The following MAGI1 variants were observed in gnomAD, a reference collection of about 807,000 sequenced individuals.
The protein encoded by MAGI1 is membrane-associated guanylate kinase, WW and PDZ domain-containing protein 1.
Under a neutral mutation model 139.9 loss-of-function variants are expected in MAGI1, and 58 were observed. The ratio of observed to expected loss-of-function variants is 0.41; its 90% confidence interval spans 0.34 to 0.52. The LOEUF (loss-of-function observed/expected upper bound fraction) is 0.52. Among genes scored for constraint, MAGI1 ranks in the 20% least tolerant of loss-of-function variants. The probability of loss-of-function intolerance (pLI) is 0.12; values close to 1 mark genes in which losing one functional copy is unlikely to be tolerated. For missense variants in MAGI1, 1,874 were observed against 1,901.6 expected (o/e 0.99, Z 0.27); for synonymous variants, 812 against 737.9 (o/e 1.10, Z -1.63).
intron 1 of MAGI1, among the ~76,000 whole-genome samples, chr3:65,964,268 C>T (rs2064621210): frequency 6.6e-6 from 1 of 152,152 alleles, no homozygotes; most frequent in African/African-American, 2.4e-5. Context: ...AGAAGCCAAA[C>T]CACTCACCTG....
At chr3:65,571,037 G>A (rs1248557921) in intron 2 of MAGI1, among the ~76,000 whole-genome samples, 1 of 152,152 alleles carries the variant, frequency 6.6e-6, no homozygotes, top group Non-Finnish European at 1.5e-5. Context: ...TTAACTTGAA[G>A]AGAAGAAACA....
At chr3:65,876,704 A>G (rs1333957933) in intron 1 of MAGI1, among the ~76,000 whole-genome samples, 2 of 151,870 alleles carry the variant, frequency 1.3e-5, no homozygotes, top group Admixed American at 6.6e-5. Context: ...ATAAATCTTA[A>G]AGTACTTTTG....
intron 12 of MAGI1, among the ~76,000 whole-genome samples, chr3:65,425,108 TAAAAAAAAA>T (rs72030632): frequency 3.0e-5 from 2 of 66,592 alleles, no homozygotes; most frequent in African/African-American, 1.2e-4. Flanking sequence ...GTAGAACTTC[TAAAAAAAAA>T]AAAAAAAAAA....
intron 2 of MAGI1, among the ~76,000 whole-genome samples, chr3:65,601,254 GT>G (rs1377316978): frequency 1.3e-5 from 2 of 152,106 alleles, no homozygotes; most frequent in African/African-American, 2.4e-5. Context: ...TCAGAAAGGG[GT>G]TTTATAGTTT....
intron 1 of MAGI1, among the ~76,000 whole-genome samples, chr3:66,036,986 G>A (rs1351375512): frequency 6.6e-6 from 1 of 152,172 alleles, no homozygotes; most frequent in Non-Finnish European, 1.5e-5. Flanking sequence ...AGATTTCTGA[G>A]AGAGGAATTT....
chr3:65,801,577 T>A (rs1693052293), intron 1 of MAGI1, among the ~76,000 whole-genome samples: 1 of 152,132 alleles, frequency 6.6e-6, no homozygotes, highest in African/African-American at 2.4e-5. Flanking sequence ...AATCCAGGTC[T>A]CCATCTCCCT....
chr3:65,980,542 G>A (rs949916935), intron 1 of MAGI1, among the ~76,000 whole-genome samples: 2 of 142,348 alleles, frequency 1.4e-5, no homozygotes, highest in African/African-American at 5.2e-5. Flanking sequence ...TCCAGCCTGG[G>A]CAAGAGACTG....
intron 1 of MAGI1, among the ~76,000 whole-genome samples, chr3:65,970,486 G>A (rs1046632891): frequency 4.1e-4 from 61 of 150,188 alleles, no homozygotes; most frequent in African/African-American, 1.3e-3. Flanking sequence ...TGGCTAAAAG[G>A]GTAAATTTTG....
intron 1 of MAGI1, among the ~76,000 whole-genome samples, chr3:65,846,135 G>T (rs560695399): frequency 1.3e-5 from 2 of 152,176 alleles, no homozygotes; most frequent in African/African-American, 4.8e-5. Context: ...CAGAGCAAAG[G>T]AACAGGGACC....
chr3:66,032,573 G>C (rs190229079), intron 1 of MAGI1, among the ~76,000 whole-genome samples: 1 of 151,680 alleles, frequency 6.6e-6, no homozygotes, highest in East Asian at 2.0e-4. Flanking sequence ...AGAGAGACAA[G>C]CTTCTTGTTT....
intron 1 of MAGI1, among the ~76,000 whole-genome samples, chr3:65,901,666 T>A (rs192388013): frequency 6.6e-6 from 1 of 152,354 alleles, no homozygotes; most frequent in Admixed American, 6.5e-5. Context: ...TTTATCTACA[T>A]ACACAAATAA....
intron 1 of MAGI1, among the ~76,000 whole-genome samples, chr3:65,870,507 G>A (rs765551188): frequency 6.6e-6 from 1 of 151,774 alleles, no homozygotes; most frequent in Non-Finnish European, 1.5e-5. Context: ...TCACTAAAAT[G>A]AGAAAGAGAG....
intron 1 of MAGI1, among the ~76,000 whole-genome samples, chr3:66,000,743 TC>T (rs1207430769): frequency 6.6e-6 from 1 of 152,256 alleles, no homozygotes; most frequent in Non-Finnish European, 1.5e-5. Flanking sequence ...GGTGTTTACT[TC>T]CTGTCCATGG....
Position 65,384,820 on chromosome 3 carries a change from A to G in MAGI1, c.2417-1197T>C, listed in dbSNP as rs1479506679. Among the ~76,000 whole-genome samples the G allele has an allele frequency of 2.0e-5, 3 of 151,728 alleles. No homozygotes were observed. In the East Asian group the frequency reaches 5.8e-4, roughly 29 times the overall value. On this transcript the variant is annotated intron_variant, in intron 14 of 22. Transcript: ENST00000402939. ...GTGTGTGTGTGTGTTACACACAAAT[A>G]TTAGGCTATTTTCTAGGGATTTAAG... is the stretch of plus-strand genomic sequence containing the variant.
intron 1 of MAGI1, among the ~76,000 whole-genome samples, chr3:65,786,911 G>A (rs2039433583): frequency 6.6e-6 from 1 of 152,074 alleles, no homozygotes. Context: ...CACCGCGCAA[G>A]ACCCCAAGAA....
rs577212223 is a variant in MAGI1 at position 66,021,979 on chromosome 3, G to A, written c.313+16017C>T. 2.6e-5 allele frequency among the ~76,000 whole-genome samples: 4 copies of A among 152,296 alleles called. No homozygotes were observed. In the South Asian group the frequency reaches 8.3e-4, roughly 32 times the overall value. On this transcript the variant is annotated intron_variant, in intron 1 of 22. Transcript: ENST00000402939. ...GTTAGCAGCCATCAGGTGAATATAA[G>A]TGCCTGGTAACAGGTGCACAGGACT...
intron 1 of MAGI1, among the ~76,000 whole-genome samples, chr3:65,971,791 A>G (rs1348044236): frequency 1.3e-5 from 2 of 151,998 alleles, no homozygotes; most frequent in Admixed American, 6.6e-5. Flanking sequence ...AACCAGCTCT[A>G]CTTCTCTCCA....
intron 8 of MAGI1, among the ~76,000 whole-genome samples, chr3:65,441,570 T>A (rs1948330641): frequency 6.6e-6 from 1 of 152,192 alleles, no homozygotes. Flanking sequence ...CATAAAAGCT[T>A]TTGTCATCTG....
intron 1 of MAGI1, among the ~76,000 whole-genome samples, chr3:65,891,184 T>A (rs1437330315): frequency 6.8e-6 from 1 of 147,354 alleles, no homozygotes; most frequent in Admixed American, 6.9e-5. Context: ...CCTGGGCGAC[T>A]GAGTGAGCCC....
Sources: allele counts gnomAD v4.1 joint callset (sites outside exome capture counted in the v4.1 genomes callset), GRCh38; gene constraint gnomAD v4.1.1; transcripts MANE v1.5; gene names NCBI Gene and HGNC (gene_info 2026-07-23, HGNC 2026-07-21).